Variants in NEDD9 observed in about 807,000 individuals in gnomAD.
NEDD9 encodes enhancer of filamentation 1.
Under a neutral mutation model 76.6 loss-of-function variants are expected in NEDD9, and 26 were observed. That is an observed-to-expected ratio of 0.34 (90% CI 0.25 to 0.47). The LOEUF (loss-of-function observed/expected upper bound fraction) is 0.47. NEDD9 is among the 20% of genes least tolerant of loss of function. The pLI is 1.00. For missense variants in NEDD9, 937 were observed against 1,058.5 expected (o/e 0.89, Z 1.59); for synonymous variants, 392 against 414.2 (o/e 0.95, Z 0.65).
chr6:11,248,308 C>T (rs573419809), intron 3 of NEDD9, among the ~76,000 whole-genome samples: 6 of 152,074 alleles, frequency 3.9e-5, no homozygotes, highest in Non-Finnish European at 5.9e-5. Context: ...ATCTCTTCTC[C>T]GTAATGGTGA....
At chr6:11,273,746 G>C (rs563420277) in intron 3 of NEDD9, among the ~76,000 whole-genome samples, 1 of 152,346 alleles carries the variant, frequency 6.6e-6, no homozygotes, top group African/African-American at 2.4e-5. Flanking sequence ...ACCGTGAGTA[G>C]AGCCTCACTC....
intron 6 of NEDD9, 124 bp from the exon 7 acceptor site, chr6:11,185,795 T>C (rs1757966680): frequency 8.7e-7 from 1 of 1,154,132 alleles, no homozygotes; most frequent in East Asian, 2.6e-5. Flanking sequence ...GCATGTGAGC[T>C]GTAAAGCCTG....
At chr6:11,238,599 C>T (rs774148658) in intron 3 of NEDD9, among the ~76,000 whole-genome samples, 1 of 152,216 alleles carries the variant, frequency 6.6e-6, no homozygotes. Context: ...CTCTGCCCCA[C>T]TTCGTGGCTC....
chr6:11,187,090 G>C (rs2113710426), intron 6 of NEDD9, among the ~76,000 whole-genome samples: 1 of 152,172 alleles, frequency 6.6e-6, no homozygotes, highest in East Asian at 1.9e-4. Context: ...TATATCTTAG[G>C]CTTTATGCAA....
At chr6:11,235,705 A>C (rs114973492), upstream of NEDD9, among the ~76,000 whole-genome samples, 1 of 152,332 alleles carries the variant, frequency 6.6e-6, no homozygotes, top group African/African-American at 2.4e-5. The surrounding 1 kb of genome is among the most constrained non-coding windows in gnomAD (Gnocchi z 4.1). Context: ...CCAGCCACTC[A>C]GAGATCTAGG....
chr6:11,192,548 T>C, intron 3 of NEDD9, 102 bp from the exon 4 acceptor site: 1 of 783,842 alleles, frequency 1.3e-6, no homozygotes, highest in Non-Finnish European at 2.1e-6. Context: ...CCAGGTTATG[T>C]ACAAGCTTGA....
chr6:11,367,040 T>C (rs1207574432), intron 1 of NEDD9, among the ~76,000 whole-genome samples: 1 of 152,250 alleles, frequency 6.6e-6, no homozygotes, highest in South Asian at 2.1e-4. Flanking sequence ...GTTTTTGCTG[T>C]ACTGAACATT....
intron 1 of NEDD9, 127 bp downstream of exon 1, chr6:11,232,377 C>T (rs1003699698): frequency 1.1e-5 from 13 of 1,200,636 alleles, no homozygotes; most frequent in Middle Eastern, 2.0e-4. Flanking sequence ...ACCTCAGTGA[C>T]CGAGACTCAT....
At chr6:11,313,509 T>C (rs945297663) in intron 2 of NEDD9, among the ~76,000 whole-genome samples, 2 of 127,964 alleles carry the variant, frequency 1.6e-5, no homozygotes, top group Non-Finnish European at 3.4e-5. Flanking sequence ...GATGAATGAA[T>C]AGATGGATGG....
intron 2 of NEDD9, among the ~76,000 whole-genome samples, chr6:11,202,316 G>A (rs1439552685): frequency 1.4e-5 from 2 of 144,798 alleles, no homozygotes; most frequent in East Asian, 3.9e-4. Flanking sequence ...AAAACTGCCT[G>A]TTGGAAAGGG....
At chr6:11,285,895 T>C (rs531284114) in intron 3 of NEDD9, among the ~76,000 whole-genome samples, 13 of 152,224 alleles carry the variant, frequency 8.5e-5, no homozygotes, top group African/African-American at 3.1e-4. Context: ...CCTAAAACTA[T>C]AAAAATATAA....
Position 11,195,491 on chromosome 6 carries a change from A to G in NEDD9, c.460-1799T>C, listed in dbSNP as rs1482663810. ...TTTTTTACTCGCTATTGTCCAGGAG[A>G]GAAATGAAGATCTCCCCTTAGTCTA... On this transcript the variant is annotated intron_variant, in intron 2 of 6. Transcript: ENST00000379446. 2.6e-5 allele frequency among the ~76,000 whole-genome samples: 4 copies of G among 151,920 alleles called. No individual in the cohort carries two copies. In the East Asian group the frequency reaches 7.7e-4, roughly 29 times the overall value.
intron 3 of NEDD9, among the ~76,000 whole-genome samples, chr6:11,256,051 A>T (rs1436510342): frequency 1.3e-5 from 2 of 152,160 alleles, no homozygotes; most frequent in Non-Finnish European, 2.9e-5. Context: ...CAGCAAAGTG[A>T]AAAGAATTTC....
At chr6:11,257,775 CTGTGTGTGTG>C (rs3067253) in intron 3 of NEDD9, among the ~76,000 whole-genome samples, 5 of 142,966 alleles carry the variant, frequency 3.5e-5, no homozygotes, top group African/African-American at 5.4e-5. Context: ...AATGTAGATT[CTGTGTGTGTG>C]TGTGTGTGTG....
chr6:11,198,189 T>A lies in NEDD9; in HGVS notation c.460-4497A>T, dbSNP rs2113731736. The A allele has an allele frequency of 6.6e-6, 1 of 152,198 alleles. No homozygotes were observed. Among genetic ancestry groups the A allele is most frequent in the African/African-American group, 2.4e-5 (1 of 41,530 alleles). 9.4% of individuals were successfully genotyped at this position (152,198 alleles called of 1,614,324 possible). A position where few individuals can be genotyped will look rare whatever the true frequency, so the allele number is the denominator to read the frequency against. ...ATTTGGAATTTTATGTGAAACCTGGTTTTCAAAATTGACTTAAATTTTAAA... is the reference window on the plus strand; with the variant it reads ...ATTTGGAATTTTATGTGAAACCTGGATTTCAAAATTGACTTAAATTTTAAA... On this transcript the variant is annotated intron_variant, in intron 2 of 6. Coordinates refer to ENST00000379446, the MANE Select transcript of NEDD9 (RefSeq NM_006403.4). This position sits in a 1 kb window ranked among gnomAD's most constrained non-coding sequence, Gnocchi z 4.7.
chr6:11,351,459 G>T (rs1006244483), intron 1 of NEDD9, among the ~76,000 whole-genome samples: 2 of 152,128 alleles, frequency 1.3e-5, no homozygotes, highest in South Asian at 4.1e-4. Flanking sequence ...AAGCAGAAAG[G>T]CCACTCTCAC....
At chr6:11,212,811 G>A (rs368383403) in intron 2 of NEDD9, among the ~76,000 whole-genome samples, 6 of 152,234 alleles carry the variant, frequency 3.9e-5, no homozygotes, top group Admixed American at 1.3e-4. Flanking sequence ...CCTCACTCTC[G>A]CTACTTTGGG....
chr6:11,292,679 A>T (rs1237938454), intron 3 of NEDD9, among the ~76,000 whole-genome samples: 1 of 152,236 alleles, frequency 6.6e-6, no homozygotes, highest in Non-Finnish European at 1.5e-5. Context: ...GTTTGAGTCT[A>T]TAACTGATGT....
intron 1 of NEDD9, among the ~76,000 whole-genome samples, chr6:11,349,685 T>C (rs938888217): frequency 6.6e-6 from 1 of 152,140 alleles, no homozygotes; most frequent in African/African-American, 2.4e-5. Context: ...AACCAAACAC[T>C]GCATGTTCTT....
Sources: allele counts gnomAD v4.1 joint callset (sites outside exome capture counted in the v4.1 genomes callset), GRCh38; gene constraint gnomAD v4.1.1; non-coding constraint Gnocchi (gnomAD v3.1); transcripts MANE v1.5; gene names NCBI Gene and HGNC (gene_info 2026-07-23, HGNC 2026-07-21).